The following PNPLA2 variants were observed in gnomAD, a reference collection of about 807,000 sequenced individuals.
PNPLA2 encodes patatin-like phospholipase domain-containing protein 2.
PNPLA2 carries 28 observed loss-of-function variants against 39.7 expected under a neutral mutation model. The ratio of observed to expected loss-of-function variants is 0.70; its 90% CI spans 0.52 to 0.97. PNPLA2 has a LOEUF of 0.97. Ranked by LOEUF, PNPLA2 falls within the 50% of genes least tolerant of loss-of-function variation. PNPLA2 has a pLI of 0.00. For missense variants in PNPLA2, 768 were observed against 698.2 expected (o/e 1.10, Z -1.13); for synonymous variants, 392 against 321.1 (o/e 1.22, Z -2.36).
chr11:824,710 C>G lies in PNPLA2; in HGVS notation c.1363C>G (p.Pro455Ala). The change falls in exon 10 of 10, where the codon CCG (proline) becomes GCG (alanine). Residue 455 changes from proline (P) to alanine (A), a missense_variant. By Grantham distance (27) the Pro-to-Ala change is conservative. Transcript: ENST00000336615. ...CCTCTTCTGCACCAACGTGGCCTTC[C>G]CGCCCGAAGCTCTGCGCATGCGCGC... ...LGLFCTNVAF[P>A]PEALRMRAPA... 1 of 1,590,552 alleles carries G rather than the reference C, an allele frequency of 6.3e-7. No individual in the cohort carries two copies. Among genetic ancestry groups the G allele is most frequent in the Non-Finnish European group, 8.5e-7 (1 of 1,175,792 alleles).
chr11:822,012 C>T lies in PNPLA2; in HGVS notation c.475C>T (p.Leu159Phe). 4 of 1,613,636 alleles carry T rather than the reference C, an allele frequency of 2.5e-6. No homozygotes were observed. The highest frequency in any genetic ancestry group is 2.2e-5 in the East Asian group (1 of 44,880). Reference sequence around the variant, plus strand: ...GTACTGTGGGCTCATCCCTCCCTCCCTCCAGGGGGTGGTGAGTATTCCTAG... The same window carrying T: ...GTACTGTGGGCTCATCCCTCCCTCCTTCCAGGGGGTGGTGAGTATTCCTAG... ...PVYCGLIPPSLQGVRYVDGGI... is the reference protein window; with the variant it reads ...PVYCGLIPPSFQGVRYVDGGI... Residue 159 changes from leucine to phenylalanine, a missense_variant, in exon 4 of 10, where the codon CTC becomes TTC. Transcript: ENST00000336615.
chr11:824,483 CG>C (rs750668278), intron 9 of PNPLA2, 39 bp from the exon 10 acceptor site: 4 of 1,545,460 alleles, frequency 2.6e-6, no homozygotes, highest in Non-Finnish European at 2.6e-6. Context: ...GTGCTAGCGC[CG>C]GGAGCTGAAG....
Position 825,023 on chromosome 11 carries a change from C to T in PNPLA2, c.*161C>T, listed in dbSNP as rs1453595315. 2.9e-6 allele frequency: 2 copies of T among 701,520 alleles called. No homozygotes were observed. Among genetic ancestry groups the T allele is most frequent in the Admixed American group, 2.2e-5 (1 of 46,230 alleles). 43.5% of individuals were successfully genotyped at this position (701,520 alleles called of 1,614,324 possible). ...GAGAGGGGAGGTTTCCACACCCCTC[C>T]CCTGGGCCGCTGAGGCCCCGCGCAC... On this transcript the variant is annotated 3_prime_UTR_variant, in exon 10 of 10. Coordinates refer to ENST00000336615, the MANE Select transcript of PNPLA2 (RefSeq NM_020376.4).
chr11:823,415 G>T (rs1845733662), intron 5 of PNPLA2, 112 bp from the exon 6 acceptor site: 4 of 935,696 alleles, frequency 4.3e-6, no homozygotes, highest in Non-Finnish European at 6.8e-6. Flanking sequence ...TAGGTTTTGG[G>T]GTTGGGAGCT....
chr11:824,984 C>T lies in PNPLA2; in HGVS notation c.*122C>T, dbSNP rs770585512. 13 of 760,712 alleles carry T rather than the reference C, an allele frequency of 1.7e-5. No individual in the cohort carries two copies. The South Asian group carries it at 1.8e-4, about 10-fold the overall frequency. The allele number at this position is 760,712 out of a possible 1,614,324, so 47.1% of individuals were successfully genotyped here. A position where few individuals can be genotyped will look rare whatever the true frequency, so the allele number is the denominator to read the frequency against. The stretch of plus-strand genomic sequence containing the variant: ...GTGGGCCCCCTCGCCAGCCACTCAC[C>T]AGCTGCATGCACTGAGAGGGGAGGT... On this transcript the variant is annotated 3_prime_UTR_variant, in exon 10 of 10. Coordinates refer to ENST00000336615, the MANE Select transcript of PNPLA2 (RefSeq NM_020376.4).
At chr11:824,189 G>A in intron 8 of PNPLA2, 59 bp downstream of exon 8, 2 of 1,559,334 alleles carry the variant, frequency 1.3e-6, no homozygotes, top group Admixed American at 1.9e-5. Flanking sequence ...GATCATCCGC[G>A]AGTGATGGTT....
intron 8 of PNPLA2, 34 bp from the exon 9 acceptor site, chr11:824,280 A>G: frequency 6.5e-7 from 1 of 1,549,760 alleles, no homozygotes; most frequent in Non-Finnish European, 8.7e-7. Flanking sequence ...GGGTCTGGCC[A>G]AGTCCCTGAA....
In PNPLA2 at chr11:824,756, C is replaced by T. The variant is rs771710752; in HGVS notation, c.1409C>T (p.Ala470Val). The part of the protein sequence containing the change: ...RMRAPADPAP[A>V]PADPASPQHQ... ...CGCGCACCCGCCGACCCGGCTCCCGCCCCCGCGGACCCAGCATCCCCGCAG... is the reference window on the plus strand; with the variant it reads ...CGCGCACCCGCCGACCCGGCTCCCGTCCCCGCGGACCCAGCATCCCCGCAG... The change falls in exon 10 of 10, where the codon GCC becomes GTC. Residue 470 changes from alanine (A) to valine (V), a missense_variant. Physicochemically the swap from Ala to Val is moderately conservative, Grantham distance 64. Transcript: ENST00000336615. 18 of 1,558,444 alleles carry T rather than the reference C, an allele frequency of 1.2e-5. No homozygotes were observed. The East Asian group carries it at 1.9e-4, about 16-fold the overall frequency.
At position 819,898 on chromosome 11, in the gene PNPLA2, C is replaced by A; in HGVS notation, c.180C>A (p.Val60=). 7.1e-7 allele frequency: 1 copy of A among 1,407,964 alleles called. No individual in the cohort carries two copies. Among genetic ancestry groups the A allele is most frequent in the South Asian group, 1.5e-5 (1 of 68,366 alleles). The allele number at this position is 1,407,964 out of a possible 1,614,324, so 87.2% of individuals were successfully genotyped here. The change falls in exon 2 of 10, where the codon GTC becomes GTA. Residue 60 remains valine (V), a synonymous_variant. Coordinates refer to ENST00000336615, the MANE Select transcript of PNPLA2 (RefSeq NM_020376.4). The part of the protein sequence containing the change: ...ALTATALVTG[V]CLGEAGAKFI... ...CGGCCACGGCGCTGGTCACCGGGGT[C>A]TGCCTGGGTGAGCGGGGCCGGGGGC...
rs1462299709 is a variant in PNPLA2, at chr11:825,152, G to C, written c.*290G>C. The C allele has an allele frequency of 1.8e-6, 1 of 549,120 alleles. No individual in the cohort carries two copies. 34.0% of individuals were successfully genotyped at this position (549,120 alleles called of 1,614,324 possible). ...CTTCCCTCCCCGTTTTTCATGGCCT[G>C]CTGAAATATGTGTGTGAAGAATTAT... On this transcript the variant is annotated 3_prime_UTR_variant, in exon 10 of 10. Coordinates refer to ENST00000336615, the MANE Select transcript of PNPLA2 (RefSeq NM_020376.4).
At chr11:823,078 G>A (rs1201427955) in intron 5 of PNPLA2, among the ~76,000 whole-genome samples, 1 of 150,380 alleles carries the variant, frequency 6.6e-6, no homozygotes, top group Non-Finnish European at 1.5e-5. Flanking sequence ...TTTTTTTTGA[G>A]ATGAAGTCTC....
chr11:822,683 C>A, intron 5 of PNPLA2, 77 bp downstream of exon 5: 2 of 1,223,820 alleles, frequency 1.6e-6, no homozygotes, highest in Non-Finnish European at 2.4e-6. Context: ...GATCCTTTGA[C>A]TTCTGAGTGC....
At position 823,911 on chromosome 11, in the gene PNPLA2, G is replaced by C. The variant is rs762144959; in HGVS notation, c.919+56G>C. 10 of 1,549,826 alleles carry C rather than the reference G, an allele frequency of 6.5e-6. No homozygotes were observed. In the South Asian group the frequency reaches 1.2e-4, roughly 18 times the overall value. ...GGGAGGCAGGAGGGAAAGAGAGAGA[G>C]GAGAGGACGGTGAGCAGGGGAGGGA... is the stretch of plus-strand genomic sequence containing the variant. On this transcript the variant is annotated intron_variant, in intron 7 of 9. Coordinates refer to ENST00000336615, the MANE Select transcript of PNPLA2 (RefSeq NM_020376.4).
chr11:824,734 G>T lies in PNPLA2; in HGVS notation c.1387G>T (p.Ala463Ser), dbSNP rs745652221. Residue 463 changes from alanine (A) to serine (S), a missense_variant, in exon 10 of 10, where the codon GCA (alanine) becomes TCA (serine). Ala to Ser is a moderately conservative substitution (Grantham distance 99, BLOSUM62 1). Transcript: ENST00000336615. ...AFPPEALRMR[A>S]PADPAPAPAD... Reference sequence around the variant, plus strand: ...CCCGCCCGAAGCTCTGCGCATGCGCGCACCCGCCGACCCGGCTCCCGCCCC... The same window carrying T: ...CCCGCCCGAAGCTCTGCGCATGCGCTCACCCGCCGACCCGGCTCCCGCCCC... The T allele has an allele frequency of 1.3e-6, 2 of 1,562,836 alleles. No individual in the cohort carries two copies. The highest frequency in any genetic ancestry group is 1.7e-6 in the Non-Finnish European group (2 of 1,162,076).
chr11:821,474 G>A, intron 2 of PNPLA2, 154 bp from the exon 3 acceptor site: 1 of 673,002 alleles, frequency 1.5e-6, no homozygotes, highest in Non-Finnish European at 2.7e-6. Flanking sequence ...TCCCAGGGGA[G>A]GTGGCCAAAG....
intron 6 of PNPLA2, 27 bp from the exon 7 acceptor site, chr11:823,665 CTG>C: frequency 6.2e-7 from 1 of 1,604,216 alleles, no homozygotes; most frequent in Admixed American, 1.7e-5. Context: ...CGCTGATGAA[CTG>C]AGAATCCCTT....
chr11:820,499 C>A (rs375223450), intron 2 of PNPLA2, among the ~76,000 whole-genome samples: 8 of 152,240 alleles, frequency 5.3e-5, no homozygotes, highest in Non-Finnish European at 1.2e-4. Flanking sequence ...TTGCACACTT[C>A]ATGGGTGAGG....
rs1565086379 is a variant in PNPLA2 at position 821,621 on chromosome 11, G to T, written c.188-7G>T. On this transcript the variant is annotated splice_region_variant and splice_polypyrimidine_tract_variant and intron_variant, in intron 2 of 9. Coordinates refer to ENST00000336615, the MANE Select transcript of PNPLA2 (RefSeq NM_020376.4). Reference sequence around the variant, plus strand: ...CATGGGCCCCTAACCTTGGCCCTGTGCCCCAGGTGAGGCTGGTGCCAAGTT... The same window carrying T: ...CATGGGCCCCTAACCTTGGCCCTGTTCCCCAGGTGAGGCTGGTGCCAAGTT... The T allele has an allele frequency of 6.2e-7, 1 of 1,610,100 alleles. No homozygotes were observed. Among genetic ancestry groups the T allele is most frequent in the East Asian group, 2.2e-5 (1 of 44,870 alleles).
intron 1 of PNPLA2, 141 bp downstream of exon 1, chr11:819,099 G>C (rs1256055185): frequency 1.3e-5 from 2 of 152,612 alleles, no homozygotes; most frequent in African/African-American, 4.8e-5. Flanking sequence ...GATGTTTATG[G>C]GTCTGTCTGT....
Sources: allele counts gnomAD v4.1 joint callset (sites outside exome capture counted in the v4.1 genomes callset), GRCh38; gene constraint gnomAD v4.1.1; transcripts MANE v1.5; gene names NCBI Gene and HGNC (gene_info 2026-07-23, HGNC 2026-07-21).